TRPC7: variants seen among roughly 807,000 people sequenced by gnomAD.
TRPC7 encodes transient receptor potential cation channel subfamily C member 7.
A neutral mutation model predicts 90.1 loss-of-function variants in TRPC7; 42 were observed. The ratio of observed to expected loss-of-function variants is 0.47; its 90% CI spans 0.36 to 0.60. The LOEUF (loss-of-function observed/expected upper bound fraction) is 0.60. TRPC7 is among the 20% of genes least tolerant of loss of function. TRPC7 has a pLI of 0.00. For missense variants in TRPC7, 955 were observed against 1,112.3 expected (o/e 0.86, Z 2.01); for synonymous variants, 451 against 436.3 (o/e 1.03, Z -0.42).
At chr5:136,241,578 T>C (rs1363427013) in intron 7 of TRPC7, among the ~76,000 whole-genome samples, 5 of 151,858 alleles carry the variant, frequency 3.3e-5, no homozygotes, top group Non-Finnish European at 7.4e-5. Context: ...TTTTTTTTGA[T>C]GTAGTCTCAC....
chr5:136,233,801 A>C (rs912716151), intron 7 of TRPC7, among the ~76,000 whole-genome samples: 2 of 152,074 alleles, frequency 1.3e-5, no homozygotes, highest in African/African-American at 4.8e-5. Context: ...TCCAGGGAAA[A>C]CCCTCTGAAT....
At chr5:136,255,782 C>T (rs1756669235) in intron 5 of TRPC7, among the ~76,000 whole-genome samples, 1 of 152,142 alleles carries the variant, frequency 6.6e-6, no homozygotes, top group Non-Finnish European at 1.5e-5. Context: ...CTGTTATTAT[C>T]CTATTTTTAC....
intron 10 of TRPC7, among the ~76,000 whole-genome samples, chr5:136,218,176 TC>T (rs1422830436): frequency 2.8e-5 from 4 of 145,370 alleles, no homozygotes; most frequent in Non-Finnish European, 4.5e-5. Flanking sequence ...AATATATATC[TC>T]AAAAATATAT....
chr5:136,320,383 G>A (rs909147556), intron 2 of TRPC7, among the ~76,000 whole-genome samples: 1 of 152,134 alleles, frequency 6.6e-6, no homozygotes, highest in African/African-American at 2.4e-5. Context: ...CTTGTCCTGT[G>A]TAGTTGATTC....
intron 3 of TRPC7, among the ~76,000 whole-genome samples, chr5:136,289,281 A>T (rs566153598): frequency 4.6e-5 from 7 of 152,362 alleles, no homozygotes; most frequent in Admixed American, 2.0e-4. Flanking sequence ...TACTGGGTTC[A>T]TCTCACTGGG....
intron 1 of TRPC7, among the ~76,000 whole-genome samples, chr5:136,358,595 G>C (rs1760463735): frequency 6.6e-6 from 1 of 152,194 alleles, no homozygotes; most frequent in Admixed American, 6.5e-5. Flanking sequence ...CATTACCAAA[G>C]TGTTGAAACA....
At chr5:136,327,800 G>A (rs1455230666) in intron 2 of TRPC7, among the ~76,000 whole-genome samples, 1 of 152,164 alleles carries the variant, frequency 6.6e-6, no homozygotes, top group Non-Finnish European at 1.5e-5. Context: ...GCTAACACAG[G>A]ACTTAGAAGT....
Position 136,357,017 on chromosome 5 carries a change from G to T in TRPC7, c.371C>A (p.Ala124Asp). The T allele has an allele frequency of 6.2e-7, 1 of 1,612,836 alleles. No individual in the cohort carries two copies. The highest frequency in any genetic ancestry group is 8.5e-7 in the Non-Finnish European group (1 of 1,179,902). ...ISKGYVRIVEAILNHPAFAQG... is the reference protein window; with the variant it reads ...ISKGYVRIVEDILNHPAFAQG... ...CGCGAAGGCCGGGTGGTTGAGGATG[G>T]CCTCCACGATGCGCACATAGCCCTT... The change falls in exon 2 of 12, where the codon GCC becomes GAC. Residue 124 changes from alanine (A) to aspartate (D), a missense_variant. This residue lies in a region of TRPC7 where 14 missense variants were observed against 34.2 expected (regional missense o/e 0.41). Transcript: ENST00000513104.
At chr5:136,304,707 C>G (rs1758544014) in intron 3 of TRPC7, among the ~76,000 whole-genome samples, 1 of 152,220 alleles carries the variant, frequency 6.6e-6, no homozygotes, top group African/African-American at 2.4e-5. Flanking sequence ...TTACTTCAGT[C>G]AAGCCCAAAT....
intron 7 of TRPC7, among the ~76,000 whole-genome samples, chr5:136,234,428 G>A (rs1320273353): frequency 6.6e-6 from 1 of 152,018 alleles, no homozygotes; most frequent in East Asian, 1.9e-4. Context: ...TCCTGCCTCA[G>A]CCTTCAGAGT....
At chr5:136,330,462 A>C (rs1439311038) in intron 2 of TRPC7, among the ~76,000 whole-genome samples, 4 of 152,212 alleles carry the variant, frequency 2.6e-5, no homozygotes, top group African/African-American at 9.6e-5. Context: ...TCCAGAGTCC[A>C]TGATCCATGA....
At chr5:136,350,673 G>A (rs1217389622) in intron 2 of TRPC7, among the ~76,000 whole-genome samples, 3 of 152,178 alleles carry the variant, frequency 2.0e-5, no homozygotes, top group African/African-American at 7.2e-5. Context: ...CAGTCCCTGG[G>A]TCTTGCTCTC....
chr5:136,223,697 G>A (rs899372219), intron 10 of TRPC7, among the ~76,000 whole-genome samples: 14 of 152,156 alleles, frequency 9.2e-5, no homozygotes, highest in Admixed American at 4.6e-4. Flanking sequence ...TTCTGGAATG[G>A]GACATTCACA....
intron 8 of TRPC7, 155 bp from the exon 9 acceptor site, chr5:136,226,410 G>A (rs948648670): frequency 1.6e-6 from 1 of 624,318 alleles, no homozygotes. Flanking sequence ...GAGAAGGGGA[G>A]TTTGCTCTCA....
intron 2 of TRPC7, 56 bp downstream of exon 2, chr5:136,356,552 C>G: frequency 6.1e-6 from 9 of 1,466,744 alleles, no homozygotes; most frequent in Non-Finnish European, 8.2e-6. Flanking sequence ...ACACTGGACA[C>G]ACGTGGAAGA....
chr5:136,323,610 T>C (rs1580955172), intron 2 of TRPC7, among the ~76,000 whole-genome samples: 1 of 152,226 alleles, frequency 6.6e-6, no homozygotes, highest in Non-Finnish European at 1.5e-5. Flanking sequence ...CTTCATGTAG[T>C]CTTTTTTGCA....
intron 4 of TRPC7, among the ~76,000 whole-genome samples, chr5:136,266,844 G>A (rs1284064185): frequency 6.6e-6 from 1 of 152,098 alleles, no homozygotes; most frequent in East Asian, 1.9e-4. Context: ...AAGGGTATTT[G>A]TTCTCAACCT....
intron 2 of TRPC7, among the ~76,000 whole-genome samples, chr5:136,353,663 G>A (rs1207914539): frequency 6.6e-6 from 1 of 152,110 alleles, no homozygotes; most frequent in Admixed American, 6.6e-5. Flanking sequence ...AGTTCTAAAG[G>A]AACAGTTATG....
At chr5:136,268,649 C>G (rs1373467145) in intron 4 of TRPC7, among the ~76,000 whole-genome samples, 1 of 152,168 alleles carries the variant, frequency 6.6e-6, no homozygotes, top group Non-Finnish European at 1.5e-5. Flanking sequence ...TTACCTCCTT[C>G]AAGCTGTTAT....
Sources: gnomAD v4.1 joint callset for allele counts (sites outside exome capture counted in the v4.1 genomes callset) on GRCh38, gnomAD v4.1.1 for gene constraint, gnomAD v4.1.1 regional missense constraint, MANE v1.5 for transcripts, NCBI Gene and HGNC (gene_info 2026-07-23, HGNC 2026-07-21) for gene names.